The following EPB41L2 variants were observed in gnomAD, a reference collection of about 807,000 sequenced individuals.
The protein encoded by EPB41L2 is band 4.1-like protein 2.
EPB41L2 carries 43 observed loss-of-function variants against 113.0 expected under a neutral mutation model. The observed-to-expected ratio is 0.38, with a 90% CI of 0.30 to 0.49. The LOEUF (loss-of-function observed/expected upper bound fraction) is 0.49. Ranked by LOEUF, EPB41L2 falls within the 20% of genes least tolerant of loss-of-function variation. The probability of loss-of-function intolerance (pLI) is 0.95; values close to 1 mark genes in which losing one functional copy is unlikely to be tolerated. For synonymous variants in EPB41L2, 442 were observed against 436.7 expected (o/e 1.01, Z -0.15); for missense variants, 1,147 against 1,223.4 (o/e 0.94, Z 0.93).
chr6:130,844,699 T>C (rs1164346835), intron 19 of EPB41L2, among the ~76,000 whole-genome samples: 1 of 152,190 alleles, frequency 6.6e-6, no homozygotes, highest in Non-Finnish European at 1.5e-5. Context: ...TCTTTTATCC[T>C]CAATTTGCAT....
At chr6:130,937,015 G>T (rs948295507) in intron 3 of EPB41L2, among the ~76,000 whole-genome samples, 1 of 152,170 alleles carries the variant, frequency 6.6e-6, no homozygotes, top group Non-Finnish European at 1.5e-5. Flanking sequence ...TGCGCATAAG[G>T]TACAGAAGTT....
At chr6:130,903,302 A>C (rs935555918) in intron 6 of EPB41L2, among the ~76,000 whole-genome samples, 3 of 151,904 alleles carry the variant, frequency 2.0e-5, no homozygotes, top group Admixed American at 2.0e-4. Flanking sequence ...TAAGTAGCTC[A>C]CTGTGCAGTT....
At chr6:131,021,077 C>G (rs1238173749) in intron 1 of EPB41L2, among the ~76,000 whole-genome samples, 1 of 152,142 alleles carries the variant, frequency 6.6e-6, no homozygotes, top group East Asian at 1.9e-4. Flanking sequence ...GGATTACAGG[C>G]ATGAGCCACC....
chr6:130,878,305 T>C, intron 13 of EPB41L2, 55 bp from the exon 14 acceptor site: 1 of 1,535,450 alleles, frequency 6.5e-7, no homozygotes, highest in Non-Finnish European at 8.7e-7. Flanking sequence ...AAAAACCCAG[T>C]AGGACAAAAA....
Position 130,895,804 on chromosome 6 carries a change from A to T in EPB41L2, c.1237-685T>A, listed in dbSNP as rs540603098. On this transcript the variant is annotated intron_variant, in intron 8 of 19. Transcript: ENST00000337057. Reference sequence around the variant, plus strand: ...AATAGTTTTCTTTCCCTAGAGCTTTAATCTGGAATCGATGACAATCTAGAA... The same window carrying T: ...AATAGTTTTCTTTCCCTAGAGCTTTTATCTGGAATCGATGACAATCTAGAA... Among the ~76,000 whole-genome samples, 11 of 152,356 alleles carry T rather than the reference A, an allele frequency of 7.2e-5. No individual in the cohort carries two copies. The East Asian group carries it at 1.9e-3, about 27-fold the overall frequency.
intron 1 of EPB41L2, among the ~76,000 whole-genome samples, chr6:130,989,563 T>C (rs1453497659): frequency 2.6e-5 from 4 of 152,334 alleles, no homozygotes; most frequent in East Asian, 1.9e-4. Context: ...GTCTGCTCTA[T>C]ACTGTGACGA....
At chr6:131,053,505 T>C (rs1797033005) in intron 1 of EPB41L2, among the ~76,000 whole-genome samples, 1 of 149,754 alleles carries the variant, frequency 6.7e-6, no homozygotes, top group South Asian at 2.1e-4. Context: ...GCTCCCTGCT[T>C]CTAGTCAGCA....
chr6:130,861,339 T>C (rs760072254), intron 18 of EPB41L2, among the ~76,000 whole-genome samples: 4 of 152,154 alleles, frequency 2.6e-5, no homozygotes, highest in Non-Finnish European at 5.9e-5. Context: ...CCCAAAGTGC[T>C]GAGATTACAG....
chr6:130,886,778 C>T (rs1791138630), intron 11 of EPB41L2, among the ~76,000 whole-genome samples: 1 of 152,006 alleles, frequency 6.6e-6, no homozygotes, highest in Non-Finnish European at 1.5e-5. Context: ...GGATTACAGG[C>T]ACGCGCCACC....
intron 3 of EPB41L2, among the ~76,000 whole-genome samples, chr6:130,933,500 A>G (rs1807631813): frequency 6.6e-6 from 1 of 152,136 alleles, no homozygotes; most frequent in Non-Finnish European, 1.5e-5. Flanking sequence ...CTTTAAAACA[A>G]TAAACAAAAA....
chr6:130,926,448 C>T (rs139465592), intron 4 of EPB41L2, among the ~76,000 whole-genome samples, 157 bp downstream of exon 4: 6 of 152,248 alleles, frequency 3.9e-5, no homozygotes, highest in Admixed American at 2.6e-4. Flanking sequence ...TGGTTTCTCT[C>T]TACACAAGAT....
intron 4 of EPB41L2, among the ~76,000 whole-genome samples, chr6:130,922,824 T>C (rs1014249918): frequency 2.6e-5 from 4 of 152,176 alleles, no homozygotes; most frequent in African/African-American, 9.7e-5. Context: ...CAAGCCTCCA[T>C]ATGAATATGA....
intron 16 of EPB41L2, chr6:130,865,936 A>C (rs1011549809): frequency 6.7e-5 from 18 of 268,116 alleles, no homozygotes; most frequent in Non-Finnish European, 8.4e-5. Context: ...CTTTTGCACA[A>C]GCTAGAAAAT....
chr6:130,883,788 A>C (rs919357284), intron 12 of EPB41L2, among the ~76,000 whole-genome samples: 1 of 152,184 alleles, frequency 6.6e-6, no homozygotes, highest in Non-Finnish European at 1.5e-5. Context: ...TGAATTCCCC[A>C]CCAAATAATT....
chr6:131,052,562 A>C (rs1584798693), intron 1 of EPB41L2, among the ~76,000 whole-genome samples: 1 of 152,362 alleles, frequency 6.6e-6, no homozygotes, highest in East Asian at 1.9e-4. Flanking sequence ...AAAACGAATA[A>C]GGAAAAGGAT....
chr6:131,031,844 C>T (rs1292241834), intron 1 of EPB41L2, among the ~76,000 whole-genome samples: 1 of 152,120 alleles, frequency 6.6e-6, no homozygotes, highest in Non-Finnish European at 1.5e-5. Flanking sequence ...AAAAGAAATG[C>T]TATGTTAATG....
chr6:130,899,436 C>A, intron 8 of EPB41L2, 55 bp downstream of exon 8: 2 of 1,473,176 alleles, frequency 1.4e-6, no homozygotes, highest in South Asian at 1.1e-5. Context: ...GGAGCCCTCT[C>A]AAAACCTCAG....
At chr6:130,901,546 A>C (rs965121392) in intron 6 of EPB41L2, among the ~76,000 whole-genome samples, 3 of 151,998 alleles carry the variant, frequency 2.0e-5, no homozygotes, top group East Asian at 1.9e-4. Flanking sequence ...AAAAAAAAAA[A>C]CTAGTCTTAA....
intron 3 of EPB41L2, among the ~76,000 whole-genome samples, chr6:130,941,021 T>G (rs78423448): frequency 0.012 from 1,822 of 152,310 alleles, 36 homozygotes; most frequent in African/African-American, 0.041. Flanking sequence ...GGAAAAATGA[T>G]ACTTCATACT....
Sources: allele counts gnomAD v4.1 joint callset (sites outside exome capture counted in the v4.1 genomes callset), GRCh38; gene constraint gnomAD v4.1.1; transcripts MANE v1.5; gene names NCBI Gene and HGNC (gene_info 2026-07-23, HGNC 2026-07-21).